The following CFAP20DC variants were observed in gnomAD, a reference collection of about 807,000 sequenced individuals.
CFAP20DC encodes CFAP20 domain containing.
CFAP20DC carries 84 observed loss-of-function variants against 101.7 expected under a neutral mutation model. The observed-to-expected ratio is 0.83, with a 90% CI of 0.69 to 0.99. The LOEUF is 0.99. Among genes scored for constraint, CFAP20DC ranks in the 50% least tolerant of loss-of-function variants. The pLI is 0.00. For synonymous variants in CFAP20DC, 359 were observed against 351.2 expected (o/e 1.02, Z -0.25); for missense variants, 1,007 against 970.3 (o/e 1.04, Z -0.50).
At position 58,977,728 on chromosome 3, in the gene CFAP20DC, TAA is replaced by T. The variant is rs57717110; in HGVS notation, c.279-39968_279-39967del. Among the ~76,000 whole-genome samples, 150 of 116,396 alleles carry T rather than the reference TAA, an allele frequency of 1.3e-3. 1 individual carries two copies. The highest frequency in any genetic ancestry group is 2.7e-3 in the African/African-American group (79 of 29,474). The allele number at this position is 116,396 out of a possible 152,430, so 76.4% of individuals were successfully genotyped here. On this transcript the variant is annotated intron_variant, in intron 4 of 16. Transcript: ENST00000482387. The stretch of plus-strand genomic sequence containing the variant: ...TTGTCAGATATTTAGAGTGGCGAAG[TAA>T]AAAAAAAAAAAAAAAGTGGGAGGAA...
Position 59,040,640 on chromosome 3 carries a change from C to T in CFAP20DC, c.206-1011G>A, listed in dbSNP as rs570344642. The stretch of plus-strand genomic sequence containing the variant: ...AAAACTCATGCTATTTTATATTATT[C>T]CAACTTAGTACGCTTAACAAATTAA... On this transcript the variant is annotated intron_variant, in intron 3 of 16. Coordinates refer to ENST00000482387, the MANE Select transcript of CFAP20DC (RefSeq NM_001394063.1). 4.6e-5 allele frequency among the ~76,000 whole-genome samples: 7 copies of T among 152,026 alleles called. No homozygotes were observed. In the East Asian group the frequency reaches 1.4e-3, roughly 29 times the overall value.
At chr3:59,024,497 A>G (rs967184837) in intron 4 of CFAP20DC, among the ~76,000 whole-genome samples, 1 of 152,186 alleles carries the variant, frequency 6.6e-6, no homozygotes, top group Non-Finnish European at 1.5e-5. Context: ...TGCCATTAAC[A>G]GACATGTGTA....
At chr3:58,746,370 A>T (rs1163242946) in intron 16 of CFAP20DC, among the ~76,000 whole-genome samples, 1 of 152,198 alleles carries the variant, frequency 6.6e-6, no homozygotes, top group Non-Finnish European at 1.5e-5. Flanking sequence ...GGCACGTAAG[A>T]GTTATATGCT....
At chr3:58,857,079 G>C (rs2078896359) in intron 12 of CFAP20DC, among the ~76,000 whole-genome samples, 1 of 152,098 alleles carries the variant, frequency 6.6e-6, no homozygotes, top group African/African-American at 2.4e-5. Flanking sequence ...CACTATACAA[G>C]ATACACAGGT....
chr3:58,952,369 C>T (rs908856957), intron 4 of CFAP20DC, among the ~76,000 whole-genome samples: 7 of 152,168 alleles, frequency 4.6e-5, no homozygotes. Flanking sequence ...GATGTGAATT[C>T]TCCCTTTTTC....
At chr3:58,730,019 A>T (rs1347067054) in intron 3 of CFAP20DC, among the ~76,000 whole-genome samples, 1 of 121,348 alleles carries the variant, frequency 8.2e-6, no homozygotes, top group African/African-American at 3.9e-5. Flanking sequence ...ACCTGTCTCC[A>T]AAAAAAAAAA....
chr3:58,857,082 A>G (rs1213625260), intron 12 of CFAP20DC, among the ~76,000 whole-genome samples: 1 of 152,216 alleles, frequency 6.6e-6, no homozygotes, highest in Non-Finnish European at 1.5e-5. Context: ...TATACAAGAT[A>G]CACAGGTAAG....
chr3:58,758,777 A>G (rs2107324998), intron 15 of CFAP20DC, among the ~76,000 whole-genome samples: 1 of 152,154 alleles, frequency 6.6e-6, no homozygotes, highest in South Asian at 2.1e-4. Context: ...TATGAGGGAG[A>G]ACATGCGGTG....
chr3:58,947,179 G>C (rs2089477877), intron 4 of CFAP20DC, among the ~76,000 whole-genome samples: 1 of 152,158 alleles, frequency 6.6e-6, no homozygotes, highest in African/African-American at 2.4e-5. Context: ...GAAGGAAAGA[G>C]AGCAGCAGGC....
At chr3:58,796,287 C>T (rs1373916560) in intron 15 of CFAP20DC, among the ~76,000 whole-genome samples, 2 of 152,166 alleles carry the variant, frequency 1.3e-5, no homozygotes, top group Non-Finnish European at 2.9e-5. Context: ...TCTCCTGGAA[C>T]CCATGGGAAT....
At chr3:58,785,079 C>T (rs2072200751) in intron 15 of CFAP20DC, among the ~76,000 whole-genome samples, 1 of 152,088 alleles carries the variant, frequency 6.6e-6, no homozygotes, top group Non-Finnish European at 1.5e-5. Context: ...TATACATACA[C>T]AATATACTAT....
chr3:58,861,678 C>G lies in CFAP20DC; in HGVS notation c.1593+1880G>C, dbSNP rs984385694. On this transcript the variant is annotated intron_variant, in intron 12 of 16. Coordinates refer to ENST00000482387, the MANE Select transcript of CFAP20DC (RefSeq NM_001394063.1). This position sits in a 1 kb window ranked among gnomAD's most constrained non-coding sequence, Gnocchi z 4.0. ...GTCTCTGTACCAGCAAACCCCAAAG[C>G]TTGATAATGTGGCAGGTGTTTCCCC... 5.1e-6 allele frequency: 5 copies of G among 985,264 alleles called. No homozygotes were observed. Among genetic ancestry groups the G allele is most frequent in the Non-Finnish European group, 4.8e-6 (4 of 829,934 alleles). The allele number at this position is 985,264 out of a possible 1,614,324, so 61.0% of individuals were successfully genotyped here.
At chr3:58,963,915 T>G (rs1448678099) in intron 4 of CFAP20DC, among the ~76,000 whole-genome samples, 1 of 152,100 alleles carries the variant, frequency 6.6e-6, no homozygotes, top group Non-Finnish European at 1.5e-5. Context: ...TGACCAGCAT[T>G]TATGTTAAAA....
chr3:58,944,287 G>A (rs979793516), intron 4 of CFAP20DC, among the ~76,000 whole-genome samples: 2 of 152,128 alleles, frequency 1.3e-5, no homozygotes, highest in Admixed American at 1.3e-4. Context: ...ATTCTCCAAG[G>A]TTGAAATGAA....
At chr3:58,965,704 G>A (rs1414214066) in intron 4 of CFAP20DC, among the ~76,000 whole-genome samples, 1 of 152,086 alleles carries the variant, frequency 6.6e-6, no homozygotes, top group Admixed American at 6.5e-5. Flanking sequence ...ATAGCTAAAT[G>A]AATTACATTA....
At position 58,721,250 on chromosome 3, in the gene CFAP20DC, G is replaced by A. The variant is rs753178485; in HGVS notation, c.198-3622C>T. ...TCACTATATAAATATGTTCCAACACGTTTATTAAACACCTTATCTGGGCCA... is the reference window on the plus strand; with the variant it reads ...TCACTATATAAATATGTTCCAACACATTTATTAAACACCTTATCTGGGCCA... On this transcript the variant is annotated intron_variant, in intron 3 of 3. Coordinates refer to the CFAP20DC transcript ENST00000486145. The surrounding 1 kb of genome is among the most constrained non-coding windows in gnomAD (Gnocchi z 5.2). Among the ~76,000 whole-genome samples the A allele has an allele frequency of 1.9e-4, 29 of 152,264 alleles. No individual in the cohort carries two copies. Among genetic ancestry groups the A allele is most frequent in the South Asian group, 4.1e-4 (2 of 4,830 alleles).
At chr3:58,740,862 C>A (rs1259035380), downstream of CFAP20DC, among the ~76,000 whole-genome samples, 1 of 152,134 alleles carries the variant, frequency 6.6e-6, no homozygotes, top group African/African-American at 2.4e-5. The surrounding 1 kb of genome is among the most constrained non-coding windows in gnomAD (Gnocchi z 4.6). Context: ...AGGTCATAAT[C>A]AACAAACCCA....
Position 58,742,334 on chromosome 3 carries a change from C to T in CFAP20DC, c.*126G>A, listed in dbSNP as rs764203808. The T allele has an allele frequency of 4.5e-4, 577 of 1,275,412 alleles. No homozygotes were observed. The highest frequency in any genetic ancestry group is 5.4e-4 in the Non-Finnish European group (538 of 1,002,968). 79.0% of individuals were successfully genotyped at this position (1,275,412 alleles called of 1,614,324 possible). ...TTGAACATTATTTACAAAATGAATTCGTTTCTCTCAGTTACTGTTGATTTT... is the reference window on the plus strand; with the variant it reads ...TTGAACATTATTTACAAAATGAATTTGTTTCTCTCAGTTACTGTTGATTTT... On this transcript the variant is annotated 3_prime_UTR_variant, in exon 17 of 17. Transcript: ENST00000482387.
At chr3:58,841,640 G>C (rs774028934) in intron 13 of CFAP20DC, among the ~76,000 whole-genome samples, 1 of 152,216 alleles carries the variant, frequency 6.6e-6, no homozygotes, top group Non-Finnish European at 1.5e-5. Context: ...ATATTCAAAA[G>C]TGTCTTTCCA....
Sources: gnomAD v4.1 joint callset for allele counts (sites outside exome capture counted in the v4.1 genomes callset) on GRCh38, gnomAD v4.1.1 for gene constraint, Gnocchi (gnomAD v3.1) non-coding constraint, MANE v1.5 for transcripts, NCBI Gene and HGNC (gene_info 2026-07-23, HGNC 2026-07-21) for gene names.